FANCC: variants seen among roughly 807,000 people sequenced by gnomAD.
FANCC encodes FA complementation group C.
In FANCC, 55 loss-of-function variants were observed where a neutral mutation model predicts 71.3. The ratio of observed to expected loss-of-function variants is 0.77; its 90% confidence interval spans 0.62 to 0.97. The LOEUF (loss-of-function observed/expected upper bound fraction) is 0.97, where lower values mean the gene tolerates loss of function less well. FANCC is among the 50% of genes least tolerant of loss of function. The probability of loss-of-function intolerance (pLI) is 0.00; values close to 1 mark genes in which losing one functional copy is unlikely to be tolerated. For missense variants in FANCC, 678 were observed against 670.9 expected (o/e 1.01, Z -0.12); for synonymous variants, 275 against 244.9 (o/e 1.12, Z -1.15).
intron 12 of FANCC, chr9:95,113,680 T>C (rs1005846425): frequency 5.3e-5 from 8 of 151,494 alleles, no homozygotes; most frequent in Non-Finnish European, 7.4e-5. Flanking sequence ...TGGAGTGCAG[T>C]GGCACGATCT....
chr9:95,215,496 G>A (rs1828807954), intron 4 of FANCC, among the ~76,000 whole-genome samples: 1 of 152,170 alleles, frequency 6.6e-6, no homozygotes, highest in Admixed American at 6.5e-5. Context: ...TTGAAGTCTG[G>A]TGTTAAAGAT....
At chr9:95,165,746 T>C (rs1484445625) in intron 6 of FANCC, among the ~76,000 whole-genome samples, 1 of 152,122 alleles carries the variant, frequency 6.6e-6, no homozygotes, top group Non-Finnish European at 1.5e-5. Flanking sequence ...GAAGAGTGTA[T>C]ATTCTGCTGT....
chr9:95,219,422 C>CT (rs1829090339), intron 4 of FANCC, among the ~76,000 whole-genome samples: 1 of 152,158 alleles, frequency 6.6e-6, no homozygotes, highest in African/African-American at 2.4e-5. Flanking sequence ...TACTGAAGGT[C>CT]TTTCCCCACA....
intron 1 of FANCC, among the ~76,000 whole-genome samples, chr9:95,269,188 T>G (rs780623066): frequency 1.3e-5 from 2 of 152,216 alleles, no homozygotes; most frequent in Non-Finnish European, 2.9e-5. Context: ...GCTTTGGCTA[T>G]CTTAATGAAT....
chr9:95,190,175 C>T (rs1186850079), intron 4 of FANCC, among the ~76,000 whole-genome samples: 1 of 152,156 alleles, frequency 6.6e-6, no homozygotes, highest in Admixed American at 6.5e-5. Flanking sequence ...CGCACACCCC[C>T]CATGTCCTGT....
chr9:95,272,589 C>T (rs1832805112), intron 1 of FANCC, among the ~76,000 whole-genome samples: 3 of 152,086 alleles, frequency 2.0e-5, no homozygotes, highest in South Asian at 2.1e-4. Flanking sequence ...CCCAGCTACT[C>T]GGGAGGCTGT....
chr9:95,179,750 A>C (rs1256170638), intron 4 of FANCC, among the ~76,000 whole-genome samples: 2 of 152,256 alleles, frequency 1.3e-5, no homozygotes, highest in Admixed American at 6.5e-5. Flanking sequence ...CTTATCTTAT[A>C]AAAATAAAAA....
chr9:95,157,140 T>A (rs1830498658), intron 6 of FANCC, among the ~76,000 whole-genome samples: 1 of 152,166 alleles, frequency 6.6e-6, no homozygotes, highest in South Asian at 2.1e-4. Flanking sequence ...TTTTTTTCCT[T>A]CTAGAAGGCA....
chr9:95,147,046 A>G lies in FANCC; in HGVS notation c.686+2877T>C, dbSNP rs964869578. Among the ~76,000 whole-genome samples the G allele has an allele frequency of 4.7e-4, 71 of 150,300 alleles. 1 individual carries two copies. The highest frequency in any genetic ancestry group is 1.6e-3 in the African/African-American group (66 of 41,204). ...ATATTTGTATGTATATATACAGTGT[A>G]TATTTTACTTATATATTTTAATATA... On this transcript the variant is annotated intron_variant, in intron 7 of 14. Coordinates refer to ENST00000289081, the MANE Select transcript of FANCC (RefSeq NM_000136.3).
At chr9:95,266,007 C>T (rs1303732546) in intron 1 of FANCC, among the ~76,000 whole-genome samples, 2 of 152,130 alleles carry the variant, frequency 1.3e-5, no homozygotes, top group Admixed American at 6.5e-5. Context: ...CAGAGAGAAA[C>T]GATCCTGAGC....
intron 4 of FANCC, among the ~76,000 whole-genome samples, chr9:95,236,105 A>G (rs1794346141): frequency 2.6e-5 from 4 of 152,198 alleles, no homozygotes. Flanking sequence ...GAAAATACAG[A>G]TAGAATACAA....
chr9:95,214,125 C>T (rs1175454752), intron 4 of FANCC, among the ~76,000 whole-genome samples: 1 of 152,124 alleles, frequency 6.6e-6, no homozygotes, highest in Non-Finnish European at 1.5e-5. Context: ...AAGATAGCTA[C>T]TATGAAAAAA....
intron 1 of FANCC, among the ~76,000 whole-genome samples, chr9:95,307,771 C>T (rs1835152398): frequency 6.6e-6 from 1 of 152,206 alleles, no homozygotes; most frequent in African/African-American, 2.4e-5. Flanking sequence ...GCCAGGATTT[C>T]ACTCCTGCCA....
intron 4 of FANCC, among the ~76,000 whole-genome samples, chr9:95,216,096 C>T (rs2135906709): frequency 6.6e-6 from 1 of 152,140 alleles, no homozygotes; most frequent in African/African-American, 2.4e-5. Context: ...TATACGCTAC[C>T]TATGAAAAAC....
chr9:95,126,610 G>A (rs764559880), intron 8 of FANCC, 29 bp from the exon 9 acceptor site: 2 of 1,610,426 alleles, frequency 1.2e-6, no homozygotes, highest in South Asian at 2.2e-5. Context: ...ATGAGAATGT[G>A]AAATATCACA....
intron 1 of FANCC, among the ~76,000 whole-genome samples, chr9:95,273,414 TG>T (rs1832850191): frequency 6.6e-6 from 1 of 152,208 alleles, no homozygotes; most frequent in East Asian, 1.9e-4. Flanking sequence ...ACAAGTCAAA[TG>T]GGGGAAGAGG....
intron 6 of FANCC, among the ~76,000 whole-genome samples, chr9:95,154,578 A>G (rs1326368083): frequency 6.6e-6 from 1 of 152,228 alleles, no homozygotes; most frequent in Non-Finnish European, 1.5e-5. Context: ...ATGAATGAAG[A>G]AAGCAAGTTG....
chr9:95,177,271 C>T (rs761012665), intron 4 of FANCC, among the ~76,000 whole-genome samples: 56 of 152,234 alleles, frequency 3.7e-4, no homozygotes, highest in Middle Eastern at 3.4e-3. Context: ...CCTATCTAAA[C>T]ATAGAAAAGG....
chr9:95,189,566 C>T (rs1826955651), intron 4 of FANCC, among the ~76,000 whole-genome samples: 1 of 152,062 alleles, frequency 6.6e-6, no homozygotes, highest in Non-Finnish European at 1.5e-5. Context: ...AAAACCAAAA[C>T]CAAAAGGCTT....
Sources: allele counts gnomAD v4.1 joint callset (sites outside exome capture counted in the v4.1 genomes callset), GRCh38; gene constraint gnomAD v4.1.1; transcripts MANE v1.5; gene names NCBI Gene and HGNC (gene_info 2026-07-23, HGNC 2026-07-21).